The following DBT variants were observed in gnomAD, a reference collection of about 807,000 sequenced individuals.
DBT encodes dihydrolipoamide branched chain transacylase E2.
A neutral mutation model predicts 51.3 loss-of-function variants in DBT; 40 were observed. The ratio of observed to expected loss-of-function variants is 0.78; its 90% CI spans 0.61 to 1.02. The LOEUF is 1.02. Among genes scored for constraint, DBT ranks in the 50% least tolerant of loss-of-function variants. DBT has a pLI of 0.00. For missense variants in DBT, 510 were observed against 580.2 expected (o/e 0.88, Z 1.24); for synonymous variants, 181 against 190.4 (o/e 0.95, Z 0.41).
At chr1:100,221,012 C>T (rs1248362448) in intron 4 of DBT, among the ~76,000 whole-genome samples, 1 of 152,136 alleles carries the variant, frequency 6.6e-6, no homozygotes, top group African/African-American at 2.4e-5. Context: ...GGTAGGAACT[C>T]CAATGCTAAC....
At chr1:100,213,271 G>A (rs1662261832) in intron 7 of DBT, 4 of 1,344,098 alleles carry the variant, frequency 3.0e-6, no homozygotes, top group South Asian at 1.8e-5. Context: ...CGCCGGGGCC[G>A]ACAGAGCCGA....
intron 8 of DBT, among the ~76,000 whole-genome samples, chr1:100,208,232 G>C (rs1661917265): frequency 6.6e-6 from 1 of 152,146 alleles, no homozygotes; most frequent in Non-Finnish European, 1.5e-5. Flanking sequence ...TGTATGAGGG[G>C]TAAATGAAAC....
At chr1:100,224,603 C>G (rs1212384006) in intron 4 of DBT, among the ~76,000 whole-genome samples, 1 of 152,134 alleles carries the variant, frequency 6.6e-6, no homozygotes, top group Admixed American at 6.5e-5. Flanking sequence ...ATTATCAGTT[C>G]TCTATGAAGA....
intron 2 of DBT, among the ~76,000 whole-genome samples, chr1:100,237,061 C>A (rs1663908043): frequency 6.6e-6 from 1 of 152,186 alleles, no homozygotes; most frequent in Non-Finnish European, 1.5e-5. Context: ...CTGTGCTGGG[C>A]TGTGACTTGC....
At chr1:100,206,825 T>G (rs1420492497) in intron 8 of DBT, among the ~76,000 whole-genome samples, 189 bp from the exon 9 acceptor site, 1 of 152,234 alleles carries the variant, frequency 6.6e-6, no homozygotes, top group African/African-American at 2.4e-5. Flanking sequence ...GGCTCATGCC[T>G]GTAATCCCAG....
chr1:100,238,948 G>A (rs1664055354), intron 2 of DBT, among the ~76,000 whole-genome samples: 1 of 152,156 alleles, frequency 6.6e-6, no homozygotes. Context: ...AGAAGCAGAA[G>A]AAGAGAAACC....
chr1:100,241,594 A>C (rs1664213440), intron 1 of DBT, among the ~76,000 whole-genome samples: 1 of 152,186 alleles, frequency 6.6e-6, no homozygotes, highest in South Asian at 2.1e-4. Flanking sequence ...ACAAGGTCTC[A>C]GTATGTTGCC....
chr1:100,233,582 G>C (rs1301462191), intron 3 of DBT, among the ~76,000 whole-genome samples: 1 of 152,222 alleles, frequency 6.6e-6, no homozygotes, highest in Non-Finnish European at 1.5e-5. Context: ...TAAAGAAATA[G>C]CAGTTGAACA....
chr1:100,201,949 G>A (rs1378278888), intron 10 of DBT, among the ~76,000 whole-genome samples: 2 of 152,096 alleles, frequency 1.3e-5, no homozygotes, highest in African/African-American at 2.4e-5. Context: ...CACTGCAAAA[G>A]CAACCCAAAA....
At chr1:100,238,018 T>C (rs182758035) in intron 2 of DBT, among the ~76,000 whole-genome samples, 103 of 152,274 alleles carry the variant, frequency 6.8e-4, no homozygotes, top group African/African-American at 2.3e-3. Flanking sequence ...AAATGTAAGA[T>C]GTAAAATTAA....
At chr1:100,218,807 G>A in intron 4 of DBT, 60 bp from the exon 5 acceptor site, 2 of 1,372,742 alleles carry the variant, frequency 1.5e-6, no homozygotes, top group South Asian at 1.2e-5. Flanking sequence ...TTACTAAGAT[G>A]TAAAGTAAGG....
intron 10 of DBT, chr1:100,196,735 A>C: frequency 3.1e-6 from 1 of 320,048 alleles, no homozygotes; most frequent in Non-Finnish European, 5.8e-6. Flanking sequence ...TATACCCACT[A>C]TGTGCCAAGT....
At chr1:100,222,436 C>T (rs1352924225) in intron 4 of DBT, among the ~76,000 whole-genome samples, 1 of 152,126 alleles carries the variant, frequency 6.6e-6, no homozygotes, top group Non-Finnish European at 1.5e-5. Flanking sequence ...AAGCTGATAT[C>T]CATCCTCTCT....
intron 4 of DBT, among the ~76,000 whole-genome samples, chr1:100,223,319 C>T (rs1662977522): frequency 6.6e-6 from 1 of 152,104 alleles, no homozygotes; most frequent in South Asian, 2.1e-4. Context: ...CATCTGTCAC[C>T]ACATCAGCTG....
chr1:100,225,826 CAAAA>C (rs71084809), intron 4 of DBT, among the ~76,000 whole-genome samples: 12 of 86,932 alleles, frequency 1.4e-4, no homozygotes, highest in Non-Finnish European at 1.7e-4. Context: ...CTCCATCTCA[CAAAA>C]AAAAAAAAAA....
intron 4 of DBT, among the ~76,000 whole-genome samples, chr1:100,222,825 C>T (rs1483782705): frequency 1.3e-5 from 2 of 152,152 alleles, no homozygotes; most frequent in Non-Finnish European, 2.9e-5. Flanking sequence ...GGTGGAGCAT[C>T]CTGGCAACTT....
At chr1:100,242,446 A>T (rs1664279362) in intron 1 of DBT, among the ~76,000 whole-genome samples, 1 of 152,226 alleles carries the variant, frequency 6.6e-6, no homozygotes, top group Non-Finnish European at 1.5e-5. Context: ...AGGCAAAGAA[A>T]AACTGAAGAT....
intron 6 of DBT, 118 bp downstream of exon 6, chr1:100,215,865 T>G: frequency 1.3e-6 from 1 of 748,272 alleles, no homozygotes. Context: ...CTGACTGAAG[T>G]TGAACTTTCC....
intron 1 of DBT, among the ~76,000 whole-genome samples, chr1:100,242,198 C>G (rs1664265095): frequency 6.6e-6 from 1 of 151,582 alleles, no homozygotes; most frequent in Admixed American, 6.6e-5. Context: ...GTAACAGAGT[C>G]ACTTTTACTT....
Sources: gnomAD v4.1 joint callset for allele counts (sites outside exome capture counted in the v4.1 genomes callset) on GRCh38, gnomAD v4.1.1 for gene constraint, MANE v1.5 for transcripts, NCBI Gene and HGNC (gene_info 2026-07-23, HGNC 2026-07-21) for gene names.